The following ELOVL7 variants were observed in gnomAD, a reference collection of about 807,000 sequenced individuals.
ELOVL7 encodes the protein ELOVL fatty acid elongase 7.
A neutral mutation model predicts 35.7 loss-of-function variants in ELOVL7; 27 were observed. That is an observed-to-expected ratio of 0.76 (90% CI 0.56 to 1.04). ELOVL7 has a LOEUF of 1.04. Among genes scored for constraint, ELOVL7 ranks in the 50% least tolerant of loss-of-function variants. The pLI is 0.00. For synonymous variants in ELOVL7, 113 were observed against 114.6 expected, an observed-to-expected ratio of 0.99 and a Z score of 0.09; for missense variants, 327 against 340.8, an observed-to-expected ratio of 0.96 and a Z score of 0.32.
intron 3 of ELOVL7, among the ~76,000 whole-genome samples, chr5:60,775,679 C>G (rs1742860335): frequency 6.6e-6 from 1 of 152,050 alleles, no homozygotes; most frequent in Admixed American, 6.6e-5. Context: ...AAGGAGCATA[C>G]CTAAAACCAA....
chr5:60,795,947 G>T (rs1214739062), intron 2 of ELOVL7, among the ~76,000 whole-genome samples: 2 of 152,174 alleles, frequency 1.3e-5, no homozygotes, highest in African/African-American at 2.4e-5. Context: ...GCCATCTTGG[G>T]AGCAGCCCGC....
intron 1 of ELOVL7, among the ~76,000 whole-genome samples, chr5:60,820,548 T>A (rs1352794928): frequency 6.6e-6 from 1 of 152,202 alleles, no homozygotes; most frequent in Non-Finnish European, 1.5e-5. Flanking sequence ...AGCTCATAAG[T>A]ACTTCAGCCC....
In ELOVL7 at chr5:60,766,570, T is replaced by G. The variant is rs1397103526; in HGVS notation, c.393+4A>C. On this transcript the variant is annotated splice_donor_region_variant and intron_variant, in intron 6 of 8. Transcript: ENST00000508821. ...TTTACCAAATGTGGTGGCCATATAC[T>G]CACCGTATCTAATAGCTCAATAAAT... 1.2e-6 allele frequency: 2 copies of G among 1,609,952 alleles called. No homozygotes were observed. The highest frequency in any genetic ancestry group is 1.7e-6 in the Non-Finnish European group (2 of 1,177,852).
intron 1 of ELOVL7, among the ~76,000 whole-genome samples, chr5:60,814,667 G>C (rs1359772720): frequency 6.6e-6 from 1 of 152,154 alleles, no homozygotes; most frequent in East Asian, 1.9e-4. Flanking sequence ...GAAGCTCAGA[G>C]AAGTTAAGGA....
chr5:60,795,382 CA>C (rs200796475), intron 2 of ELOVL7, among the ~76,000 whole-genome samples: 245 of 152,266 alleles, frequency 1.6e-3, no homozygotes, highest in African/African-American at 3.9e-3. Flanking sequence ...CACTAAAATA[CA>C]AATTAACACT....
Position 60,764,324 on chromosome 5 carries a change from A to G in ELOVL7, c.402T>C (p.Phe134=), listed in dbSNP as rs757654842. 8.1e-6 allele frequency: 13 copies of G among 1,605,038 alleles called. No individual in the cohort carries two copies. The highest frequency in any genetic ancestry group is 9.4e-6 in the Non-Finnish European group (11 of 1,171,950). ...CTTGGCTATTTTTCTTGCGCAGAAC[A>G]AAAAAGATCTGAAATAATTTAAAGA... ...KFIELLDTIF[F]VLRKKNSQVT... The change falls in exon 7 of 9, where the codon TTT becomes TTC. Residue 134 remains phenylalanine, a synonymous_variant. Coordinates refer to ENST00000508821, the MANE Select transcript of ELOVL7 (RefSeq NM_024930.3).
intron 1 of ELOVL7, among the ~76,000 whole-genome samples, chr5:60,804,534 C>A (rs1157392486): frequency 6.6e-6 from 1 of 152,154 alleles, no homozygotes; most frequent in African/African-American, 2.4e-5. Flanking sequence ...AGAAAAGCAT[C>A]TTAAAAACTG....
intron 4 of ELOVL7, among the ~76,000 whole-genome samples, chr5:60,770,849 C>T (rs555393577): frequency 4.3e-4 from 65 of 152,314 alleles, no homozygotes; most frequent in Non-Finnish European, 6.3e-4. Context: ...GGGCGTGCAC[C>T]GCCACGCCTG....
chr5:60,816,902 C>T (rs894143131), intron 1 of ELOVL7, among the ~76,000 whole-genome samples: 6 of 151,994 alleles, frequency 3.9e-5, no homozygotes, highest in Non-Finnish European at 7.4e-5. Flanking sequence ...TAAAAATACC[C>T]GGTGTTTGGG....
rs958587461 is a variant in ELOVL7 at position 60,787,377 on chromosome 5, T to G, written c.21A>C (p.Thr7=). 19 of 1,604,436 alleles carry G rather than the reference T, an allele frequency of 1.2e-5. No individual in the cohort carries two copies. The highest frequency in any genetic ancestry group is 1.5e-5 in the Non-Finnish European group (18 of 1,176,894). ...TATCATAAAGATGCACAGTCCTCGA[T>G]GTAAGATCACTGAAGGCCATTTTCC... MAFSDL[T]SRTVHLYDNW... Residue 7 remains threonine, a synonymous_variant, in exon 3 of 9, where the codon ACA becomes ACC. Coordinates refer to ENST00000508821, the MANE Select transcript of ELOVL7 (RefSeq NM_024930.3).
chr5:60,774,165 G>A (rs1742766543), intron 3 of ELOVL7, among the ~76,000 whole-genome samples: 1 of 151,960 alleles, frequency 6.6e-6, no homozygotes, highest in African/African-American at 2.4e-5. Context: ...ACCAAAATCT[G>A]GCAAAGACAC....
At position 60,787,353 on chromosome 5, in the gene ELOVL7, A is replaced by G. The variant is rs1743662534; in HGVS notation, c.45T>C (p.Asp15=). ...DLTSRTVHLY[D]NWIKDADPRV... The stretch of plus-strand genomic sequence containing the variant: ...ACTCACCAGCATCTTTGATCCAATT[A>G]TCATAAAGATGCACAGTCCTCGATG... The change falls in exon 3 of 9, where the codon GAT becomes GAC. Residue 15 remains aspartate (D), a synonymous_variant. Coordinates refer to ENST00000508821, the MANE Select transcript of ELOVL7 (RefSeq NM_024930.3). 2 of 1,604,942 alleles carry G rather than the reference A, an allele frequency of 1.2e-6. No homozygotes were observed. Among genetic ancestry groups the G allele is most frequent in the East Asian group, 2.3e-5 (1 of 44,354 alleles).
chr5:60,754,507 C>A lies in ELOVL7; in HGVS notation c.*117G>T. 1 of 888,208 alleles carries A rather than the reference C, an allele frequency of 1.1e-6. No individual in the cohort carries two copies. Among genetic ancestry groups the A allele is most frequent in the Non-Finnish European group, 1.7e-6 (1 of 585,490 alleles). The allele number at this position is 888,208 out of a possible 1,614,324, so 55.0% of individuals were successfully genotyped here. ...AATATCAGACATCCCAATAACTTAC[C>A]ATAAAAATACAAGCTCTTAGTTTTG... is the stretch of plus-strand genomic sequence containing the variant. On this transcript the variant is annotated 3_prime_UTR_variant, in exon 9 of 9. Coordinates refer to ENST00000508821, the MANE Select transcript of ELOVL7 (RefSeq NM_024930.3).
At chr5:60,842,348 A>G (rs1381517572) in intron 1 of ELOVL7, among the ~76,000 whole-genome samples, 1 of 152,102 alleles carries the variant, frequency 6.6e-6, no homozygotes, top group Admixed American at 6.6e-5. Flanking sequence ...TGTTTTGGGG[A>G]AAAGCCGGGC....
intron 1 of ELOVL7, among the ~76,000 whole-genome samples, chr5:60,799,759 C>G (rs569025716): frequency 6.6e-6 from 1 of 152,056 alleles, no homozygotes; most frequent in Non-Finnish European, 1.5e-5. Flanking sequence ...ACTAATAGAC[C>G]GGGTGTGGTG....
chr5:60,775,234 C>T (rs1158161745), intron 3 of ELOVL7, among the ~76,000 whole-genome samples: 1 of 152,064 alleles, frequency 6.6e-6, no homozygotes, highest in African/African-American at 2.4e-5. Flanking sequence ...TTACAATAAC[C>T]ACAAGCACAA....
chr5:60,813,291 T>C (rs1476368189), intron 1 of ELOVL7, among the ~76,000 whole-genome samples: 1 of 152,136 alleles, frequency 6.6e-6, no homozygotes, highest in Non-Finnish European at 1.5e-5. Context: ...TCCCCACAAT[T>C]CTCACTGCTA....
At chr5:60,767,485 C>T (rs1563518) in intron 5 of ELOVL7, among the ~76,000 whole-genome samples, 41,932 of 152,162 alleles carry the variant, frequency 0.28, 9,630 homozygotes, top group African/African-American at 0.63. Context: ...AGTATACAAA[C>T]ATCTCTTCAA....
chr5:60,793,165 C>T (rs933266355), intron 2 of ELOVL7, among the ~76,000 whole-genome samples: 3 of 152,216 alleles, frequency 2.0e-5, no homozygotes, highest in Non-Finnish European at 2.9e-5. Flanking sequence ...TTTGGACAAG[C>T]ACCCACTGTA....
Sources: allele counts gnomAD v4.1 joint callset (sites outside exome capture counted in the v4.1 genomes callset), GRCh38; gene constraint gnomAD v4.1.1; transcripts MANE v1.5; gene names NCBI Gene and HGNC (gene_info 2026-07-23, HGNC 2026-07-21).